The following JAG2 variants were observed in gnomAD, a reference collection of about 807,000 sequenced individuals.
JAG2 encodes the protein protein jagged-2.
JAG2 carries 46 observed loss-of-function variants against 141.7 expected under a neutral mutation model. The ratio of observed to expected loss-of-function variants is 0.32; its 90% CI spans 0.26 to 0.42. JAG2 has a LOEUF of 0.42. Ranked by LOEUF, JAG2 falls within the 10% of genes least tolerant of loss-of-function variation. The pLI, the probability that JAG2 is intolerant of heterozygous loss-of-function variation, is 1.00. For missense variants in JAG2, 1,500 were observed against 1,817.5 expected, an observed-to-expected ratio of 0.83 and a Z score of 3.18; for synonymous variants, 862 against 763.5, an observed-to-expected ratio of 1.13 and a Z score of -2.13.
rs201930451 is a variant in JAG2 at position 105,147,575 on chromosome 14, C to T, written c.2366-48G>A. 26 of 1,582,130 alleles carry T rather than the reference C, an allele frequency of 1.6e-5. No homozygotes were observed. The African/African-American group carries it at 2.2e-4, about 13-fold the overall frequency. ...AGGGGATCAGTACCCACCCCCCAAGCGTGCCAGGCACTGTCCAGGCTGGCT... is the reference window on the plus strand; with the variant it reads ...AGGGGATCAGTACCCACCCCCCAAGTGTGCCAGGCACTGTCCAGGCTGGCT... On this transcript the variant is annotated intron_variant, in intron 18 of 25. Transcript: ENST00000331782.
chr14:105,148,447 C>A lies in JAG2; in HGVS notation c.2021-8G>T. On this transcript the variant is annotated splice_region_variant and splice_polypyrimidine_tract_variant and intron_variant, in intron 15 of 25. Transcript: ENST00000331782. ...GAAGGCAGTCGTTGGGATCTGGGGG[C>A]GAGGACGCCGGTCAGCGGGCGGGGG... 1 of 1,604,878 alleles carries A rather than the reference C, an allele frequency of 6.2e-7. No individual in the cohort carries two copies. The highest frequency in any genetic ancestry group is 8.5e-7 in the Non-Finnish European group (1 of 1,175,314).
rs749960695 is a variant in JAG2 at position 105,149,086 on chromosome 14, A to G, written c.1757T>C (p.Ile586Thr). The G allele has an allele frequency of 6.2e-7, 1 of 1,608,136 alleles. No homozygotes were observed. The highest frequency in any genetic ancestry group is 1.3e-5 in the African/African-American group (1 of 74,724). ...EPCPGGACRV[I>T]DGCGSDAGPG... is the part of the protein sequence containing the mutation. The stretch of plus-strand genomic sequence containing the variant: ...CCCCGCGTCTGACCCGCAGCCATCG[A>G]TCACTATGGCAGGCAGTACAGTCAG... The change falls in exon 14 of 26, where the codon ATC becomes ACC. Residue 586 changes from isoleucine to threonine, a missense_variant. This residue lies in a region of JAG2 where 875 missense variants were observed against 1,202.2 expected (regional missense o/e 0.73). Transcript: ENST00000331782.
chr14:105,168,389 C>T lies in JAG2; in HGVS notation c.32G>A (p.Arg11Gln). The change falls in exon 1 of 26, where the codon CGG becomes CAG. Residue 11 changes from arginine to glutamine, a missense_variant. This residue lies in a region of JAG2 where 200 missense variants were observed against 174.3 expected (regional missense o/e 1.15). Transcript: ENST00000331782. MRAQGRGRLP[R>Q]RLLLLLALWV... ...GAGCGCCAGCAGCAGCAGCAGCCGC[C>T]GGGGAAGGCGCCCCCGGCCCTGCGC... The T allele has an allele frequency of 9.7e-7, 1 of 1,029,170 alleles. No individual in the cohort carries two copies. Among genetic ancestry groups the T allele is most frequent in the South Asian group, 2.5e-5 (1 of 39,914 alleles). The allele number at this position is 1,029,170 out of a possible 1,614,324, so 63.8% of individuals were successfully genotyped here. A position where few individuals can be genotyped will look rare whatever the true frequency, so the allele number is the denominator to read the frequency against.
chr14:105,161,449 C>T (rs1319579097), intron 2 of JAG2, among the ~76,000 whole-genome samples: 1 of 152,190 alleles, frequency 6.6e-6, no homozygotes, highest in Non-Finnish European at 1.5e-5. Flanking sequence ...TTCCTCTCGA[C>T]TCCCAGGAAA....
Position 105,148,733 on chromosome 14 carries a change from T to C in JAG2, c.2020+12A>G. The stretch of plus-strand genomic sequence containing the variant: ...AGGCACAGGCCGTGTGGGCGGGTGC[T>C]GGAACACTCACTGGTGTCGCAGAGC... On this transcript the variant is annotated intron_variant, in intron 15 of 25. Transcript: ENST00000331782. 6.4e-7 allele frequency: 1 copy of C among 1,553,764 alleles called. No individual in the cohort carries two copies. Among genetic ancestry groups the C allele is most frequent in the Non-Finnish European group, 8.7e-7 (1 of 1,148,884 alleles).
intron 1 of JAG2, 37 bp downstream of exon 1, chr14:105,168,318 C>A: frequency 2.7e-6 from 2 of 738,476 alleles, no homozygotes; most frequent in South Asian, 8.0e-5. Flanking sequence ...CGGTGTGCCC[C>A]GTCCGCGACC....
At position 105,167,885 on chromosome 14, in the gene JAG2, C is replaced by T. The variant is rs750939514; in HGVS notation, c.289G>A (p.Val97Met). The change falls in exon 2 of 26, where the codon GTG becomes ATG. Residue 97 changes from valine to methionine, a missense_variant. By Grantham distance (21) the Val-to-Met change is conservative. Around this residue, in one of 3 missense-constraint regions of JAG2, gnomAD observed 200 missense variants for 174.3 expected, o/e 1.15. Coordinates refer to ENST00000331782, the MANE Select transcript of JAG2 (RefSeq NM_002226.5). The surrounding 1 kb of genome is among the most constrained non-coding windows in gnomAD (Gnocchi z 4.8). The stretch of plus-strand genomic sequence containing the variant: ...AGGTAGAAGGAGTTGCCGCCCAGCA[C>T]GGGCGTGGCGCCGTGGCCGTAGCTG... ...PCSYGHGATP[V>M]LGGNSFYLPP... is the part of the protein sequence containing the mutation. 7 of 1,577,482 alleles carry T rather than the reference C, an allele frequency of 4.4e-6. No homozygotes were observed. The highest frequency in any genetic ancestry group is 6.0e-6 in the Non-Finnish European group (7 of 1,167,972).
chr14:105,146,548 G>A (rs78262814), intron 21 of JAG2, 48 bp from the exon 22 acceptor site: 208,198 of 1,604,896 alleles, frequency 0.13, 14,885 homozygotes, highest in South Asian at 0.24. Flanking sequence ...TCTGGCCCTC[G>A]GGGCTGGGTG....
chr14:105,152,547 C>A (rs1250345553), intron 5 of JAG2, among the ~76,000 whole-genome samples: 1 of 152,174 alleles, frequency 6.6e-6, no homozygotes, highest in South Asian at 2.1e-4. Flanking sequence ...TTGGGATTCA[C>A]CCGTGAGCTG....
chr14:105,158,724 C>G (rs1344599747), intron 2 of JAG2, among the ~76,000 whole-genome samples: 2 of 152,102 alleles, frequency 1.3e-5, no homozygotes, highest in Non-Finnish European at 1.5e-5. Context: ...CTCTTGACCC[C>G]TGAGCCCAGC....
rs1169823253 is a variant in JAG2 at position 105,168,018 on chromosome 14, G to A, written c.156C>T (p.Gly52=). The part of the protein sequence containing the change: ...GELLSGACCD[G]DGRTTRAGGC... ...CCCCCGCGCGCGTTGTCCGGCCGTC[G>A]CCGTCACAGCAGGCGCCGCTCAGCA... The change falls in exon 2 of 26, where the codon GGC becomes GGT. Residue 52 remains glycine (G), a synonymous_variant. Transcript: ENST00000331782. 6.3e-7 allele frequency: 1 copy of A among 1,597,892 alleles called. No homozygotes were observed. The highest frequency in any genetic ancestry group is 8.5e-7 in the Non-Finnish European group (1 of 1,176,882).
In JAG2 at chr14:105,155,823, G is replaced by T. The variant is rs142729116; in HGVS notation, c.642C>A (p.Arg214=). ...SATCNKFCRP[R]NDFFGHYTCD... Reference sequence around the variant, plus strand: ...AGGTGTAGTGGCCGAAAAAGTCGTTGCGGGGCCGGCAGAACTTGTTGCAAG... The same window carrying T: ...AGGTGTAGTGGCCGAAAAAGTCGTTTCGGGGCCGGCAGAACTTGTTGCAAG... Residue 214 remains arginine (R), a synonymous_variant, in exon 4 of 26, where the codon CGC becomes CGA. Transcript: ENST00000331782. 1 of 1,612,652 alleles carries T rather than the reference G, an allele frequency of 6.2e-7. No homozygotes were observed. Among genetic ancestry groups the T allele is most frequent in the African/African-American group, 1.3e-5 (1 of 74,932 alleles).
In JAG2 at chr14:105,154,358, C is replaced by T. The variant is rs944248184; in HGVS notation, c.788+1204G>A. 2.0e-5 allele frequency among the ~76,000 whole-genome samples: 3 copies of T among 152,160 alleles called. No homozygotes were observed. The highest frequency in any genetic ancestry group is 4.8e-5 in the African/African-American group (2 of 41,434). On this transcript the variant is annotated intron_variant, in intron 5 of 25. Transcript: ENST00000331782. The surrounding 1 kb of genome is among the most constrained non-coding windows in gnomAD (Gnocchi z 4.4). ...CCTGCTGTCTCTCCACCCGCTCGCGCCCCTCTCTCGGGCTCCCCAGCTTGC... is the reference window on the plus strand; with the variant it reads ...CCTGCTGTCTCTCCACCCGCTCGCGTCCCTCTCTCGGGCTCCCCAGCTTGC...
At chr14:105,159,354 C>A (rs918836322) in intron 2 of JAG2, among the ~76,000 whole-genome samples, 2 of 151,960 alleles carry the variant, frequency 1.3e-5, no homozygotes, top group South Asian at 4.1e-4. Flanking sequence ...TCCCTAGCCA[C>A]GTCGAGCTGA....
At chr14:105,160,736 G>A (rs959795534) in intron 2 of JAG2, among the ~76,000 whole-genome samples, 3 of 152,082 alleles carry the variant, frequency 2.0e-5, no homozygotes, top group African/African-American at 7.2e-5. Flanking sequence ...GGTGGCAGGT[G>A]TCTGTAGTCC....
intron 2 of JAG2, among the ~76,000 whole-genome samples, chr14:105,162,901 G>A (rs1405659222): frequency 8.0e-6 from 1 of 124,844 alleles, no homozygotes; most frequent in Admixed American, 8.1e-5. Flanking sequence ...TAAGTCCACG[G>A]CACCCCACTG....
At chr14:105,151,835 CA>C in intron 7 of JAG2, 96 bp from the exon 8 acceptor site, 1 of 1,604,664 alleles carries the variant, frequency 6.2e-7, no homozygotes. Flanking sequence ...AGCTGGGGGT[CA>C]GGGGCCCACC....
At chr14:105,156,026 A>T (rs1767682797) in intron 3 of JAG2, 37 bp from the exon 4 acceptor site, 2 of 1,593,962 alleles carry the variant, frequency 1.3e-6, no homozygotes, top group Admixed American at 3.3e-5. Context: ...GGCCAGAGAA[A>T]CCAGCCCGGC....
chr14:105,143,300 G>A, intron 25 of JAG2, 130 bp from the exon 26 acceptor site: 5 of 1,318,222 alleles, frequency 3.8e-6, no homozygotes, highest in South Asian at 2.5e-5. Context: ...GCTGGCTCGT[G>A]GGGAGGGTCC....
Sources: allele counts gnomAD v4.1 joint callset (sites outside exome capture counted in the v4.1 genomes callset), GRCh38; gene constraint gnomAD v4.1.1; regional missense constraint gnomAD v4.1.1; non-coding constraint Gnocchi (gnomAD v3.1); transcripts MANE v1.5; gene names NCBI Gene and HGNC (gene_info 2026-07-23, HGNC 2026-07-21).